The following TACC2 variants were observed in gnomAD, a reference collection of about 807,000 sequenced individuals.
TACC2 encodes transforming acidic coiled-coil-containing protein 2.
In TACC2, 137 loss-of-function variants were observed where a neutral mutation model predicts 227.3. The observed-to-expected ratio is 0.60, with a 90% CI of 0.52 to 0.69. The LOEUF is 0.69. TACC2 is among the 30% of genes least tolerant of loss of function. The pLI, the probability that TACC2 is intolerant of heterozygous loss-of-function variation, is 0.00. For synonymous variants in TACC2, 1,523 were observed against 1,487.5 expected (o/e 1.02, Z -0.55); for missense variants, 3,470 against 3,694.4 (o/e 0.94, Z 1.57).
rs1383262955 is a variant in TACC2, at chr10:122,209,182, G to A, written c.5972-1215G>A. On this transcript the variant is annotated intron_variant, in intron 8 of 22. Transcript: ENST00000369005. The surrounding 1 kb of genome is among the most constrained non-coding windows in gnomAD (Gnocchi z 4.5). ...GCAGTGAGACTAGGCAAGAGGCAGG[G>A]CCAAGGATAGGCAGGCAGGACTGAA... Among the ~76,000 whole-genome samples, 1 of 152,212 alleles carries A rather than the reference G, an allele frequency of 6.6e-6. No homozygotes were observed. Among genetic ancestry groups the A allele is most frequent in the Non-Finnish European group, 1.5e-5 (1 of 68,024 alleles).
rs2080229624 is a variant in TACC2, at chr10:122,087,622, G to A, written c.5122G>A (p.Asp1708Asn). 2 of 1,613,430 alleles carry A rather than the reference G, an allele frequency of 1.2e-6. No individual in the cohort carries two copies. Among genetic ancestry groups the A allele is most frequent in the East Asian group, 2.2e-5 (1 of 44,892 alleles). The change falls in exon 4 of 23, where the codon GAC becomes AAC. Residue 1708 changes from aspartate (D) to asparagine (N), a missense_variant. Transcript: ENST00000369005. ...VAGAAGEAEGDITLSTAETQA... is the reference protein window; with the variant it reads ...VAGAAGEAEGNITLSTAETQA... Reference sequence around the variant, plus strand: ...AGGCGCTGCTGGGGAAGCAGAGGGTGACATCACCCTGAGCACAGCTGAGAC... The same window carrying A: ...AGGCGCTGCTGGGGAAGCAGAGGGTAACATCACCCTGAGCACAGCTGAGAC...
rs559910800 is a variant in TACC2 at position 122,141,341 on chromosome 10, G to C, written c.5700-2231G>C. 1.0e-3 allele frequency among the ~76,000 whole-genome samples: 156 copies of C among 152,250 alleles called. No homozygotes were observed. Among genetic ancestry groups the C allele is most frequent in the African/African-American group, 3.5e-3 (144 of 41,530 alleles). ...ATGAGCCAACAGGCGGTGGAAGGAG[G>C]GGGGCGCCTTTCTTAAATGAGCTGT... On this transcript the variant is annotated intron_variant, in intron 6 of 22. Coordinates refer to ENST00000369005, the MANE Select transcript of TACC2 (RefSeq NM_206862.4). The surrounding 1 kb of genome is among the most constrained non-coding windows in gnomAD (Gnocchi z 4.3).
chr10:122,027,701 A>G lies in TACC2; in HGVS notation c.33+5687A>G, dbSNP rs1250317053. Among the ~76,000 whole-genome samples the G allele has an allele frequency of 2.0e-5, 3 of 150,794 alleles. No homozygotes were observed. The East Asian group carries it at 5.8e-4, about 29-fold the overall frequency. ...TGTTCTTGCACCTATGACGTTCCCTATTAATATTAGAATAAATCTATCCAT... is the reference window on the plus strand; with the variant it reads ...TGTTCTTGCACCTATGACGTTCCCTGTTAATATTAGAATAAATCTATCCAT... On this transcript the variant is annotated intron_variant, in intron 2 of 22. Coordinates refer to ENST00000369005, the MANE Select transcript of TACC2 (RefSeq NM_206862.4).
At chr10:122,002,928 C>T (rs11599275) in intron 1 of TACC2, among the ~76,000 whole-genome samples, 33,649 of 152,046 alleles carry the variant, frequency 0.22, 4,963 homozygotes, top group Non-Finnish European at 0.33. Context: ...TTTGTCTGGG[C>T]ATGGTGGCTC....
At chr10:122,239,391 C>T (rs1227029456) in intron 18 of TACC2, among the ~76,000 whole-genome samples, 2 of 152,198 alleles carry the variant, frequency 1.3e-5, no homozygotes, top group Admixed American at 6.5e-5. Context: ...AATCATATCC[C>T]GTTTTCTAGG....
intron 1 of TACC2, among the ~76,000 whole-genome samples, chr10:122,007,685 C>T (rs1473051631): frequency 6.6e-6 from 1 of 152,104 alleles, no homozygotes; most frequent in Admixed American, 6.6e-5. Flanking sequence ...TTGTGATGCT[C>T]TTTTCTTTTC....
In TACC2 at chr10:122,205,404, C is replaced by A. The variant is rs2095067221; in HGVS notation, c.5972-4993C>A. Among the ~76,000 whole-genome samples, 1 of 152,160 alleles carries A rather than the reference C, an allele frequency of 6.6e-6. No homozygotes were observed. Among genetic ancestry groups the A allele is most frequent in the African/African-American group, 2.4e-5 (1 of 41,434 alleles). On this transcript the variant is annotated intron_variant, in intron 8 of 22. Coordinates refer to ENST00000369005, the MANE Select transcript of TACC2 (RefSeq NM_206862.4). This position sits in a 1 kb window ranked among gnomAD's most constrained non-coding sequence, Gnocchi z 4.5. ...GACCACATCAGAGGAGGGTGGGCAC[C>A]AAAGGACAGCCTCTGCCTGGTACTT...
chr10:122,084,989 T>G lies in TACC2; in HGVS notation c.2489T>G (p.Leu830Arg). ...CCCCTACTATCTTCTGAGAAGCATCTCCAGCCATCCCAGGCACAACCAGAG... is the reference window on the plus strand; with the variant it reads ...CCCCTACTATCTTCTGAGAAGCATCGCCAGCCATCCCAGGCACAACCAGAG... Reference protein sequence around the residue: ...EWPLLSSEKHLQPSQAQPETS... With the variant: ...EWPLLSSEKHRQPSQAQPETS... Residue 830 changes from leucine (L) to arginine (R), a missense_variant, in exon 4 of 23, where the codon CTC (leucine) becomes CGC (arginine). Coordinates refer to ENST00000369005, the MANE Select transcript of TACC2 (RefSeq NM_206862.4). 6.2e-7 allele frequency: 1 copy of G among 1,614,122 alleles called. No individual in the cohort carries two copies. Among genetic ancestry groups the G allele is most frequent in the Non-Finnish European group, 8.5e-7 (1 of 1,180,008 alleles).
At chr10:122,115,796 C>T (rs558298320) in intron 5 of TACC2, among the ~76,000 whole-genome samples, 1 of 151,994 alleles carries the variant, frequency 6.6e-6, no homozygotes, top group African/African-American at 2.4e-5. Context: ...GTTCCATAGC[C>T]AAAAGCGAAG....
Position 122,086,999 on chromosome 10 carries a change from C to T in TACC2, c.4499C>T (p.Pro1500Leu). Residue 1500 changes from proline (P) to leucine (L), a missense_variant, in exon 4 of 23, where the codon CCA becomes CTA. This residue lies in a region of TACC2 where 1,924 missense variants were observed against 1,978.3 expected (regional missense o/e 0.97). Transcript: ENST00000369005. ...QDPASDKLLG[P>L]AGLTWERNLP... is the part of the protein sequence containing the mutation. The stretch of plus-strand genomic sequence containing the variant: ...CCAGCTTCAGACAAGCTTCTGGGTC[C>T]AGCAGGGCTGACCTGGGAGCGGAAC... 6.2e-7 allele frequency: 1 copy of T among 1,613,984 alleles called. No individual in the cohort carries two copies. The highest frequency in any genetic ancestry group is 8.5e-7 in the Non-Finnish European group (1 of 1,180,048).
intron 5 of TACC2, among the ~76,000 whole-genome samples, chr10:122,104,119 T>G (rs2082475714): frequency 6.6e-6 from 1 of 152,206 alleles, no homozygotes; most frequent in Admixed American, 6.5e-5. Context: ...TCTTAATAAA[T>G]ACTTGATGAA....
At chr10:122,129,878 G>A (rs770019776) in intron 5 of TACC2, among the ~76,000 whole-genome samples, 2 of 152,216 alleles carry the variant, frequency 1.3e-5, no homozygotes, top group Admixed American at 6.5e-5. Flanking sequence ...TAGTGTGGGT[G>A]CACACATGTG....
chr10:122,165,487 AAAT>A (rs2093105745), intron 7 of TACC2, among the ~76,000 whole-genome samples: 1 of 152,188 alleles, frequency 6.6e-6, no homozygotes, highest in African/African-American at 2.4e-5. Context: ...CTGAGTTAAT[AAAT>A]GATCAGTGTT....
chr10:122,085,896 T>C lies in TACC2; in HGVS notation c.3396T>C (p.Thr1132=). The C allele has an allele frequency of 6.2e-7, 1 of 1,613,364 alleles. No individual in the cohort carries two copies. The highest frequency in any genetic ancestry group is 8.5e-7 in the Non-Finnish European group (1 of 1,179,662). ...GTGGTGAAGCCGGGGCTGCTGAGAC[T>C]GGTGGCAGCGCTGGTGCAGGAGACC... The part of the protein sequence containing the change: ...EQGGEAGAAE[T]GGSAGAGDPG... Residue 1132 remains threonine, a synonymous_variant, in exon 4 of 23, where the codon ACT becomes ACC. Coordinates refer to ENST00000369005, the MANE Select transcript of TACC2 (RefSeq NM_206862.4).
At chr10:122,064,693 TATG>T (rs1446670843) in intron 3 of TACC2, among the ~76,000 whole-genome samples, 2 of 152,230 alleles carry the variant, frequency 1.3e-5, no homozygotes, top group African/African-American at 4.8e-5. Context: ...TATCCGTCAT[TATG>T]ATATTAGTTT....
chr10:122,031,973 G>T (rs994133291), intron 2 of TACC2, among the ~76,000 whole-genome samples: 4 of 152,164 alleles, frequency 2.6e-5, no homozygotes, highest in African/African-American at 9.7e-5. Context: ...CTCCCAAAGT[G>T]CTGGGATTAC....
intron 11 of TACC2, among the ~76,000 whole-genome samples, chr10:122,223,832 C>T (rs1177224912): frequency 6.6e-6 from 1 of 152,198 alleles, no homozygotes. Context: ...GAGCAGGTCA[C>T]TCTTCACCTC....
Position 122,087,196 on chromosome 10 carries a change from A to G in TACC2, c.4696A>G (p.Thr1566Ala). The G allele has an allele frequency of 6.2e-7, 1 of 1,612,338 alleles. No homozygotes were observed. Among genetic ancestry groups the G allele is most frequent in the Non-Finnish European group, 8.5e-7 (1 of 1,179,416 alleles). ...LASGLPSPAATQELPVERAAA... is the reference protein window; with the variant it reads ...LASGLPSPAAAQELPVERAAA... ...TTCAGGTCTTCCTTCACCAGCAGCT[A>G]CTCAGGAGCTCCCTGTGGAGAGAGC... The change falls in exon 4 of 23, where the codon ACT (threonine) becomes GCT (alanine). Residue 1566 changes from threonine to alanine, a missense_variant. Physicochemically the swap from Thr to Ala is moderately conservative, Grantham distance 58 (BLOSUM62 0). Coordinates refer to ENST00000369005, the MANE Select transcript of TACC2 (RefSeq NM_206862.4).
At chr10:122,154,270 G>C (rs2092313468) in intron 7 of TACC2, among the ~76,000 whole-genome samples, 1 of 152,244 alleles carries the variant, frequency 6.6e-6, no homozygotes, top group Non-Finnish European at 1.5e-5. Context: ...TCGGACAAAG[G>C]AGCCGTCCCA....
Sources: allele counts gnomAD v4.1 joint callset (sites outside exome capture counted in the v4.1 genomes callset), GRCh38; gene constraint gnomAD v4.1.1; regional missense constraint gnomAD v4.1.1; non-coding constraint Gnocchi (gnomAD v3.1); transcripts MANE v1.5; gene names NCBI Gene and HGNC (gene_info 2026-07-23, HGNC 2026-07-21).